CDH23: variants seen among roughly 807,000 people sequenced by gnomAD.
CDH23 encodes the protein cadherin-23.
Under a neutral mutation model 317.1 loss-of-function variants are expected in CDH23, and 189 were observed. The ratio of observed to expected loss-of-function variants is 0.60; its 90% CI spans 0.53 to 0.67. CDH23 has a LOEUF of 0.67. Among genes scored for constraint, CDH23 ranks in the 30% least tolerant of loss-of-function variants. The pLI, the probability that CDH23 is intolerant of heterozygous loss-of-function variation, is 0.00. For missense variants in CDH23, 4,401 were observed against 4,592.4 expected (o/e 0.96, Z 1.20); for synonymous variants, 1,839 against 1,876.8 (o/e 0.98, Z 0.52).
At chr10:71,640,478 G>A (rs768393101) in intron 11 of CDH23, among the ~76,000 whole-genome samples, 2 of 152,218 alleles carry the variant, frequency 1.3e-5, no homozygotes, top group Non-Finnish European at 1.5e-5. Context: ...GTCCGGGAGC[G>A]GTGGCTCACG....
chr10:71,610,580 G>A (rs916612624), intron 9 of CDH23, among the ~76,000 whole-genome samples: 1 of 152,180 alleles, frequency 6.6e-6, no homozygotes, highest in African/African-American at 2.4e-5. Flanking sequence ...TTCTTATAAG[G>A]TGGTTGCAAC....
chr10:71,651,810 G>C (rs1444207686), intron 14 of CDH23, among the ~76,000 whole-genome samples: 2 of 152,204 alleles, frequency 1.3e-5, no homozygotes, highest in Admixed American at 6.5e-5. Flanking sequence ...GGTGGCAGGC[G>C]TTTGGGAAAC....
At chr10:71,694,865 G>A (rs1383032958) in intron 21 of CDH23, among the ~76,000 whole-genome samples, 2 of 152,174 alleles carry the variant, frequency 1.3e-5, no homozygotes, top group Non-Finnish European at 2.9e-5. Flanking sequence ...CCTCAAAACT[G>A]TGGCCCTCAC....
At chr10:71,587,375 A>G (rs1859150861) in intron 9 of CDH23, among the ~76,000 whole-genome samples, 1 of 152,192 alleles carries the variant, frequency 6.6e-6, no homozygotes, top group Admixed American at 6.5e-5. Flanking sequence ...CTAGCCAGTG[A>G]GTACTTATTG....
At chr10:71,648,372 T>C (rs1342214544) in intron 14 of CDH23, among the ~76,000 whole-genome samples, 1 of 152,220 alleles carries the variant, frequency 6.6e-6, no homozygotes, top group Admixed American at 6.5e-5. Context: ...CAACAGCCTA[T>C]GCTTTAGAGG....
chr10:71,718,769 T>C (rs1401711375), intron 28 of CDH23, among the ~76,000 whole-genome samples: 5 of 152,148 alleles, frequency 3.3e-5, no homozygotes, highest in Non-Finnish European at 5.9e-5. Context: ...CCTGCTTTAA[T>C]TTAAAAAATA....
At chr10:71,602,623 A>G (rs1322782635) in intron 9 of CDH23, among the ~76,000 whole-genome samples, 1 of 152,122 alleles carries the variant, frequency 6.6e-6, no homozygotes, top group Admixed American at 6.5e-5. Context: ...CACAAACTTC[A>G]GGGTGCACCT....
intron 45 of CDH23, among the ~76,000 whole-genome samples, chr10:71,789,876 G>A (rs577738420): frequency 6.6e-6 from 1 of 152,324 alleles, no homozygotes; most frequent in East Asian, 1.9e-4. Flanking sequence ...CACATGAGTG[G>A]GTTTTTCTAG....
chr10:71,699,435 T>A (rs1865506919), intron 22 of CDH23, among the ~76,000 whole-genome samples: 1 of 152,250 alleles, frequency 6.6e-6, no homozygotes, highest in Non-Finnish European at 1.5e-5. Flanking sequence ...TCTTCCCACA[T>A]GTGGCTTCAT....
chr10:71,633,733 G>T (rs61851979), intron 11 of CDH23, among the ~76,000 whole-genome samples: 2 of 152,098 alleles, frequency 1.3e-5, no homozygotes, highest in South Asian at 2.1e-4. Flanking sequence ...CTCCTATGAC[G>T]GTGGGATCCC....
At chr10:71,779,817 C>T (rs1840908240) in intron 41 of CDH23, among the ~76,000 whole-genome samples, 1 of 152,240 alleles carries the variant, frequency 6.6e-6, no homozygotes, top group African/African-American at 2.4e-5. Flanking sequence ...ACCACAAACC[C>T]ACACACCAAG....
intron 8 of CDH23, among the ~76,000 whole-genome samples, chr10:71,576,964 T>C (rs955254431): frequency 9.2e-5 from 14 of 152,226 alleles, no homozygotes; most frequent in African/African-American, 3.4e-4. Context: ...GGCACTTGCC[T>C]GAGCTCTGCC....
chr10:71,645,577 G>A (rs1032929484), intron 12 of CDH23: 2 of 680,838 alleles, frequency 2.9e-6, no homozygotes, highest in African/African-American at 3.5e-5. Context: ...CCACCTGAAG[G>A]GGACACTGTG....
Position 71,751,903 on chromosome 10 carries a change from A to T in CDH23, c.4845+9982A>T. On this transcript the variant is annotated intron_variant, in intron 38 of 69. Coordinates refer to ENST00000224721, the MANE Select transcript of CDH23 (RefSeq NM_022124.6). This position sits in a 1 kb window ranked among gnomAD's most constrained non-coding sequence, Gnocchi z 4.9. Reference sequence around the variant, plus strand: ...ATGGAAGGTCATCTGTGCTGTCCGGAGCGTGAACTCTGCCCTCCCTGCCCC... The same window carrying T: ...ATGGAAGGTCATCTGTGCTGTCCGGTGCGTGAACTCTGCCCTCCCTGCCCC... 1.3e-6 allele frequency: 2 copies of T among 1,535,060 alleles called. No individual in the cohort carries two copies. Among genetic ancestry groups the T allele is most frequent in the Non-Finnish European group, 1.8e-6 (2 of 1,135,330 alleles).
At chr10:71,641,221 C>T (rs958777419) in intron 11 of CDH23, among the ~76,000 whole-genome samples, 1 of 152,172 alleles carries the variant, frequency 6.6e-6, no homozygotes, top group African/African-American at 2.4e-5. Context: ...CTGGGGAGCA[C>T]GAGAGAAATG....
At chr10:71,508,076 C>G (rs894935777) in intron 3 of CDH23, 4 of 152,262 alleles carry the variant, frequency 2.6e-5, no homozygotes, top group African/African-American at 9.6e-5. Flanking sequence ...TGCTGTTTGA[C>G]CTTGGAGAAG....
In CDH23 at chr10:71,793,477, G is replaced by A. The variant is rs980941152; in HGVS notation, c.6549G>A (p.Val2183=). The change falls in exon 48 of 70, where the codon GTG becomes GTA. Residue 2183 remains valine (V), a synonymous_variant. Coordinates refer to ENST00000224721, the MANE Select transcript of CDH23 (RefSeq NM_022124.6). ...EFLNPIQTVS[V]LESAEPGTVI... is the part of the protein sequence containing the mutation. ...TCAACCCCATCCAGACAGTGAGCGT[G>A]CTGGAGTCGGCTGAGCCAGGCACTG... 1.9e-6 allele frequency: 3 copies of A among 1,614,032 alleles called. No individual in the cohort carries two copies. Among genetic ancestry groups the A allele is most frequent in the Non-Finnish European group, 2.5e-6 (3 of 1,179,898 alleles).
chr10:71,489,863 A>C (rs1852556946), intron 3 of CDH23, among the ~76,000 whole-genome samples: 1 of 152,086 alleles, frequency 6.6e-6, no homozygotes, highest in Non-Finnish European at 1.5e-5. Flanking sequence ...TAGGGTTACA[A>C]ATCCTTAAGA....
chr10:71,799,254 C>T lies in CDH23; in HGVS notation c.7198C>T (p.Pro2400Ser). 6.2e-7 allele frequency: 1 copy of T among 1,614,094 alleles called. No individual in the cohort carries two copies. The highest frequency in any genetic ancestry group is 1.3e-5 in the African/African-American group (1 of 75,078). ...LEIVDINDNNPIFDQPSYQEA... is the reference protein window; with the variant it reads ...LEIVDINDNNSIFDQPSYQEA... ...AATCGTGGACATCAATGACAACAAC[C>T]CCATCTTTGACCAGCCCTCCTACCA... Residue 2400 changes from proline to serine, a missense_variant, in exon 51 of 70, where the codon CCC becomes TCC. Pro to Ser is a moderately conservative substitution (Grantham distance 74, BLOSUM62 -1). This residue lies in a region of CDH23 where 189 missense variants were observed against 250.9 expected (regional missense o/e 0.75). Transcript: ENST00000224721.
Sources: allele counts gnomAD v4.1 joint callset (sites outside exome capture counted in the v4.1 genomes callset), GRCh38; gene constraint gnomAD v4.1.1; regional missense constraint gnomAD v4.1.1; non-coding constraint Gnocchi (gnomAD v3.1); transcripts MANE v1.5; gene names NCBI Gene and HGNC (gene_info 2026-07-23, HGNC 2026-07-21).